The following HDAC9 variants were observed in gnomAD, a reference collection of about 807,000 sequenced individuals.
HDAC9 encodes histone deacetylase 9.
In HDAC9, 41 loss-of-function variants were observed where a neutral mutation model predicts 139.4. The ratio of observed to expected loss-of-function variants is 0.29; its 90% CI spans 0.23 to 0.38. The LOEUF (loss-of-function observed/expected upper bound fraction) is 0.38. HDAC9 is among the 10% of genes least tolerant of loss of function. HDAC9 has a pLI of 1.00. For synonymous variants in HDAC9, 517 were observed against 476.2 expected, an observed-to-expected ratio of 1.09 and a Z score of -1.12; for missense variants, 1,147 against 1,297.0, an observed-to-expected ratio of 0.88 and a Z score of 1.78.
chr7:18,267,937 A>G (rs928339136), intron 2 of HDAC9, among the ~76,000 whole-genome samples: 7 of 152,102 alleles, frequency 4.6e-5, no homozygotes, highest in Non-Finnish European at 7.4e-5. Context: ...ACCAACAAAA[A>G]AACCTGTGAC....
chr7:18,758,468 T>C (rs1420192198), intron 14 of HDAC9, among the ~76,000 whole-genome samples: 1 of 151,992 alleles, frequency 6.6e-6, no homozygotes, highest in Non-Finnish European at 1.5e-5. Context: ...AAGTTGAAAA[T>C]ATGAGAAGTG....
intron 22 of HDAC9, among the ~76,000 whole-genome samples, chr7:18,893,474 C>T (rs1800878682): frequency 6.6e-6 from 1 of 152,136 alleles, no homozygotes; most frequent in Admixed American, 6.6e-5. Context: ...TCAAAACTCC[C>T]TGTTTGCATG....
intron 1 of HDAC9, among the ~76,000 whole-genome samples, chr7:18,329,901 A>G (rs1177312713): frequency 1.3e-5 from 2 of 151,442 alleles, no homozygotes; most frequent in African/African-American, 2.4e-5. Flanking sequence ...CATTCTTACT[A>G]GTTTTGCTTT....
intron 21 of HDAC9, among the ~76,000 whole-genome samples, chr7:18,855,821 C>A (rs1797632208): frequency 6.6e-6 from 1 of 152,018 alleles, no homozygotes; most frequent in Non-Finnish European, 1.5e-5. Context: ...TGTTTCCCAG[C>A]CTTTATGGTA....
At chr7:18,358,370 A>G (rs1466258704) in intron 1 of HDAC9, among the ~76,000 whole-genome samples, 3 of 152,190 alleles carry the variant, frequency 2.0e-5, no homozygotes, top group Admixed American at 6.5e-5. Context: ...TTTTTCCTAT[A>G]AAGTTATAAA....
At chr7:18,809,002 A>G (rs559505676) in intron 17 of HDAC9, among the ~76,000 whole-genome samples, 2 of 152,208 alleles carry the variant, frequency 1.3e-5, no homozygotes, top group East Asian at 1.9e-4. Context: ...ATATAGACCA[A>G]TGGAATAGAA....
chr7:18,774,830 A>T (rs1790619801), intron 16 of HDAC9, among the ~76,000 whole-genome samples: 1 of 151,996 alleles, frequency 6.6e-6, no homozygotes, highest in South Asian at 2.1e-4. Flanking sequence ...TTTCCTTTGC[A>T]TTCACAACTT....
intron 16 of HDAC9, among the ~76,000 whole-genome samples, chr7:18,777,882 G>T (rs1286343607): frequency 6.6e-6 from 1 of 151,922 alleles, no homozygotes; most frequent in Non-Finnish European, 1.5e-5. Flanking sequence ...CAGCCTCACA[G>T]CAGAGACTAG....
intron 2 of HDAC9, among the ~76,000 whole-genome samples, chr7:18,560,519 CT>C (rs1467268455): frequency 6.6e-6 from 1 of 152,092 alleles, no homozygotes; most frequent in Non-Finnish European, 1.5e-5. Flanking sequence ...CTTCCAAAAC[CT>C]TGTTGTGTAA....
intron 12 of HDAC9, among the ~76,000 whole-genome samples, chr7:18,714,302 C>T (rs1784549850): frequency 1.3e-5 from 2 of 152,196 alleles, no homozygotes; most frequent in Admixed American, 1.3e-4. Context: ...ATAATCATTT[C>T]TAATGCAAAT....
intron 2 of HDAC9, among the ~76,000 whole-genome samples, chr7:18,544,169 G>T (rs1043791699): frequency 2.0e-5 from 3 of 152,210 alleles, no homozygotes; most frequent in African/African-American, 7.2e-5. Context: ...AATTGATGTT[G>T]CTGGCTTGGA....
rs566832551 is a variant in HDAC9 at position 18,785,867 on chromosome 7, C to A, written c.2215-7478C>A. ...ATATAAAACTGCTTAATAATAGCAT[C>A]TACATTAATGGTCGCTGTAAGAATT... is the stretch of plus-strand genomic sequence containing the variant. On this transcript the variant is annotated intron_variant, in intron 16 of 25. Coordinates refer to ENST00000686413, the MANE Select transcript of HDAC9 (RefSeq NM_178425.4). 4.6e-5 allele frequency among the ~76,000 whole-genome samples: 7 copies of A among 152,192 alleles called. No individual in the cohort carries two copies. In the East Asian group the frequency reaches 1.4e-3, roughly 29 times the overall value.
chr7:18,768,217 G>C (rs1789991027), intron 16 of HDAC9, among the ~76,000 whole-genome samples: 1 of 152,176 alleles, frequency 6.6e-6, no homozygotes, highest in Admixed American at 6.6e-5. Flanking sequence ...AAGGCTGGGA[G>C]AAGCTAAGTT....
At chr7:18,303,932 C>G (rs1441315469) in intron 1 of HDAC9, among the ~76,000 whole-genome samples, 2 of 152,200 alleles carry the variant, frequency 1.3e-5, no homozygotes, top group African/African-American at 4.8e-5. Context: ...TTGCTGAGGT[C>G]CTGCCAACCT....
At chr7:18,843,567 A>T (rs1376584077) in intron 21 of HDAC9, among the ~76,000 whole-genome samples, 2 of 152,110 alleles carry the variant, frequency 1.3e-5, no homozygotes, top group African/African-American at 4.8e-5. Flanking sequence ...TACTGGTAAG[A>T]TAAAGCTCTC....
chr7:18,800,573 C>T (rs569348081), intron 17 of HDAC9, among the ~76,000 whole-genome samples: 5 of 152,280 alleles, frequency 3.3e-5, no homozygotes, highest in African/African-American at 1.2e-4. Context: ...CGGTGCATGC[C>T]TGTAATCCCA....
intron 8 of HDAC9, among the ~76,000 whole-genome samples, chr7:18,640,732 G>A (rs1175053951): frequency 6.6e-6 from 1 of 151,966 alleles, no homozygotes; most frequent in Admixed American, 6.6e-5. Flanking sequence ...TTATCACTAA[G>A]CCTGTGTTTT....
At chr7:18,744,526 T>G (rs1347829413) in intron 13 of HDAC9, among the ~76,000 whole-genome samples, 1 of 152,128 alleles carries the variant, frequency 6.6e-6, no homozygotes, top group Non-Finnish European at 1.5e-5. Flanking sequence ...AGAAATGCAA[T>G]ATGAAGTTGA....
chr7:18,291,895 C>G (rs1585028609), intron 1 of HDAC9, among the ~76,000 whole-genome samples: 1 of 152,208 alleles, frequency 6.6e-6, no homozygotes, highest in East Asian at 1.9e-4. Flanking sequence ...ATGGACTCCT[C>G]TAATGTCTGT....
Sources: gnomAD v4.1 joint callset for allele counts (sites outside exome capture counted in the v4.1 genomes callset) on GRCh38, gnomAD v4.1.1 for gene constraint, MANE v1.5 for transcripts, NCBI Gene and HGNC (gene_info 2026-07-23, HGNC 2026-07-21) for gene names.